PPIL2: variants seen among roughly 807,000 people sequenced by gnomAD.
PPIL2 encodes the protein RING-type E3 ubiquitin-protein ligase PPIL2.
PPIL2 carries 50 observed loss-of-function variants against 75.2 expected under a neutral mutation model. The observed-to-expected ratio is 0.66, with a 90% confidence interval of 0.53 to 0.84. The LOEUF is 0.84. Ranked by LOEUF, PPIL2 falls within the 40% of genes least tolerant of loss-of-function variation. PPIL2 has a pLI of 0.00. For missense variants in PPIL2, 590 were observed against 685.0 expected (o/e 0.86, Z 1.55); for synonymous variants, 245 against 258.8 (o/e 0.95, Z 0.51).
intron 6 of PPIL2, 96 bp from the exon 7 acceptor site, chr22:21,681,203 T>G: frequency 9.9e-7 from 1 of 1,011,776 alleles, no homozygotes; most frequent in Non-Finnish European, 1.5e-6. Context: ...ATCGCTGACT[T>G]TGGAGTTCTG....
chr22:21,687,653 C>T lies in PPIL2; in HGVS notation c.908C>T (p.Thr303Ile), dbSNP rs2067431825. The change falls in exon 13 of 20, where the codon ACC becomes ATC. Residue 303 changes from threonine to isoleucine, a missense_variant. By Grantham distance (89) the Thr-to-Ile change is moderately conservative (BLOSUM62 -1). Coordinates refer to ENST00000398831, the MANE Select transcript of PPIL2 (RefSeq NM_014337.4). ...LELHCDLTPK[T>I]CENFIRLCKK... ...GGGGCTATGTTGCAGACACCAAAAACCTGCGAAAACTTCATCAGGCTTTGC... is the reference window on the plus strand; with the variant it reads ...GGGGCTATGTTGCAGACACCAAAAATCTGCGAAAACTTCATCAGGCTTTGC... The T allele has an allele frequency of 2.2e-6, 3 of 1,394,546 alleles. No individual in the cohort carries two copies. The highest frequency in any genetic ancestry group is 2.9e-6 in the Non-Finnish European group (3 of 1,040,548). 86.4% of individuals were successfully genotyped at this position (1,394,546 alleles called of 1,614,324 possible).
At chr22:21,698,237 TAA>T (rs564202159), downstream of PPIL2, 73 of 103,474 alleles carry the variant, frequency 7.1e-4, 1 homozygote, top group East Asian at 0.014. Context: ...AAAAAAGTGA[TAA>T]AAGTGTTGTT....
chr22:21,699,564 A>T (rs1486021953), downstream of PPIL2: 1 of 152,594 alleles, frequency 6.6e-6, no homozygotes, highest in Non-Finnish European at 1.5e-5. Flanking sequence ...TTCAAGTGAC[A>T]TGGGACAGCA....
intron 10 of PPIL2, among the ~76,000 whole-genome samples, chr22:21,685,375 T>C (rs1489030045): frequency 1.3e-5 from 2 of 151,970 alleles, no homozygotes; most frequent in Non-Finnish European, 2.9e-5. Flanking sequence ...GGTGCTGACG[T>C]GGATGGCATG....
intron 6 of PPIL2, 151 bp from the exon 7 acceptor site, chr22:21,681,148 A>G (rs1656354602): frequency 6.1e-6 from 4 of 654,562 alleles, no homozygotes; most frequent in South Asian, 3.5e-5. Context: ...AGCTGTCCCC[A>G]TGGTTCCCTG....
chr22:21,683,114 T>C (rs772509874), intron 8 of PPIL2, 68 bp from the exon 9 acceptor site: 6 of 1,352,866 alleles, frequency 4.4e-6, no homozygotes, highest in Admixed American at 1.7e-5. Context: ...GGCCGTCCTT[T>C]GCTGCATGTG....
intron 12 of PPIL2, among the ~76,000 whole-genome samples, 161 bp downstream of exon 12, chr22:21,687,159 G>A (rs1569037322): frequency 6.6e-6 from 1 of 152,156 alleles, no homozygotes; most frequent in Admixed American, 6.5e-5. Context: ...CCTTCCTAGG[G>A]GGCCGCGTTG....
chr22:21,677,283 C>T (rs923843739), intron 6 of PPIL2, among the ~76,000 whole-genome samples: 1 of 150,926 alleles, frequency 6.6e-6, no homozygotes, highest in African/African-American at 2.4e-5. Flanking sequence ...CTCCTCACAT[C>T]CCAGACAGGG....
At chr22:21,682,121 A>G (rs899314514) in intron 7 of PPIL2, among the ~76,000 whole-genome samples, 4 of 152,230 alleles carry the variant, frequency 2.6e-5, no homozygotes, top group Non-Finnish European at 5.9e-5. Flanking sequence ...ATACCTGTGC[A>G]TGGGAGGAGC....
chr22:21,678,134 A>G (rs1035525644), intron 6 of PPIL2, among the ~76,000 whole-genome samples: 2 of 152,050 alleles, frequency 1.3e-5, no homozygotes, highest in Non-Finnish European at 2.9e-5. Context: ...CCACAGGAGG[A>G]CTTGGGCTTC....
At chr22:21,669,785 C>A in intron 1 of PPIL2, 128 bp from the exon 2 acceptor site, 1 of 963,324 alleles carries the variant, frequency 1.0e-6, no homozygotes, top group Non-Finnish European at 1.7e-6. Context: ...CAGGCGTTAG[C>A]CACCGTGCCC....
At chr22:21,682,088 C>T (rs549829626) in intron 7 of PPIL2, among the ~76,000 whole-genome samples, 59 of 152,366 alleles carry the variant, frequency 3.9e-4, no homozygotes, top group African/African-American at 1.3e-3. Context: ...GTGCACAGCC[C>T]CTGCCCACGG....
At chr22:21,689,686 G>A (rs932730958) in intron 15 of PPIL2, among the ~76,000 whole-genome samples, 2 of 152,198 alleles carry the variant, frequency 1.3e-5, no homozygotes, top group African/African-American at 4.8e-5. Flanking sequence ...TCACCGTCAC[G>A]TCACCGTGGG....
downstream of PPIL2, chr22:21,698,142 T>G (rs2068009745): frequency 6.6e-6 from 1 of 152,120 alleles, no homozygotes; most frequent in African/African-American, 2.4e-5. Context: ...GATATGGTCC[T>G]GTGAATAGCA....
rs780028051 is a variant in PPIL2 at position 21,693,906 on chromosome 22, C to T, written c.1196+34C>T. 6 of 1,523,478 alleles carry T rather than the reference C, an allele frequency of 3.9e-6. No individual in the cohort carries two copies. In the Admixed American group the frequency reaches 8.4e-5, roughly 21 times the overall value. 94.4% of individuals were successfully genotyped at this position (1,523,478 alleles called of 1,614,324 possible). The stretch of plus-strand genomic sequence containing the variant: ...AGCGGCTGTGTGAAGCCTGGGGGGT[C>T]AGTGGGCTAGGTGGGTTCCTTCCCC... On this transcript the variant is annotated intron_variant, in intron 16 of 19. Transcript: ENST00000398831.
chr22:21,680,535 CAG>C (rs1010347693), intron 6 of PPIL2, among the ~76,000 whole-genome samples: 1 of 132,718 alleles, frequency 7.5e-6, no homozygotes, highest in African/African-American at 2.9e-5. Flanking sequence ...CATCTCAAAA[CAG>C]AGTAAAACAA....
At chr22:21,687,817 G>A in intron 13 of PPIL2, 85 bp downstream of exon 13, 2 of 1,373,654 alleles carry the variant, frequency 1.5e-6, no homozygotes, top group South Asian at 1.2e-5. Flanking sequence ...CCATCCCAGG[G>A]CCCTGGCCCA....
intron 10 of PPIL2, chr22:21,685,847 G>A: frequency 3.0e-6 from 1 of 329,100 alleles, no homozygotes; most frequent in East Asian, 9.2e-5. Context: ...AATATGTAAT[G>A]TGTTTAGTGT....
chr22:21,668,424 A>C (rs906091598), intron 1 of PPIL2, among the ~76,000 whole-genome samples: 36 of 151,494 alleles, frequency 2.4e-4, no homozygotes, highest in Non-Finnish European at 2.7e-4. Context: ...CAGGAGATCG[A>C]GACCATCCTG....
Sources: gnomAD v4.1 joint callset for allele counts (sites outside exome capture counted in the v4.1 genomes callset) on GRCh38, gnomAD v4.1.1 for gene constraint, MANE v1.5 for transcripts, NCBI Gene and HGNC (gene_info 2026-07-23, HGNC 2026-07-21) for gene names.